The following MRAP variants were observed in gnomAD, a reference collection of about 807,000 sequenced individuals.
The protein encoded by MRAP is melanocortin-2 receptor accessory protein.
Under a neutral mutation model 8.7 loss-of-function variants are expected in MRAP, and 8 were observed. That is an observed-to-expected ratio of 0.92 (90% CI 0.54 to 1.66). The LOEUF is 1.66. Among genes scored for constraint, MRAP ranks in the 40% most tolerant of loss-of-function variants. The pLI is 0.00. For synonymous variants in MRAP, 95 were observed against 95.5 expected (o/e 1.00, Z 0.03); for missense variants, 237 against 217.1 (o/e 1.09, Z -0.58).
intron 1 of MRAP, among the ~76,000 whole-genome samples, chr21:32,300,487 C>A (rs2032238352): frequency 6.6e-6 from 1 of 150,678 alleles, no homozygotes; most frequent in Non-Finnish European, 1.5e-5. Flanking sequence ...CGCCATGCGT[C>A]CTATGTCGGA....
chr21:32,292,560 G>A (rs997746290), intron 1 of MRAP, among the ~76,000 whole-genome samples: 1 of 152,088 alleles, frequency 6.6e-6, no homozygotes, highest in Non-Finnish European at 1.5e-5. Context: ...GGGCTCAAGC[G>A]ATTCTCTTGC....
At chr21:32,294,750 T>A (rs2032110263), upstream of MRAP, among the ~76,000 whole-genome samples, 1 of 152,180 alleles carries the variant, frequency 6.6e-6, no homozygotes, top group South Asian at 2.1e-4. Flanking sequence ...GCTGGGATGA[T>A]GATTGGGATT....
chr21:32,298,826 A>G, upstream of MRAP: 1 of 678,740 alleles, frequency 1.5e-6, no homozygotes, highest in African/African-American at 1.8e-5. Flanking sequence ...TAGCTCTGAT[A>G]AGTGGGCAGA....
At chr21:32,307,071 C>CAA (rs2032437929) in intron 2 of MRAP, among the ~76,000 whole-genome samples, 1 of 152,176 alleles carries the variant, frequency 6.6e-6, no homozygotes, top group South Asian at 2.1e-4. Context: ...ATCCATGCTG[C>CAA]AACATGCATG....
At position 32,311,896 on chromosome 21, in the gene MRAP, C is replaced by T. The variant is rs2032586945; in HGVS notation, c.419C>T (p.Pro140Leu). Residue 140 changes from proline (P) to leucine (L), a missense_variant, in exon 3 of 3, where the codon CCC (proline) becomes CTC (leucine). Transcript: ENST00000303645. The part of the protein sequence containing the change: ...TLPLGGFQTH[P>L]TLLWELTLNG... Reference sequence around the variant, plus strand: ...CCCCTCGGGGGTTTCCAGACCCACCCCACTCTCCTCTGGGAACTGACCCTC... The same window carrying T: ...CCCCTCGGGGGTTTCCAGACCCACCTCACTCTCCTCTGGGAACTGACCCTC... 1.2e-6 allele frequency: 2 copies of T among 1,613,886 alleles called. No homozygotes were observed. The highest frequency in any genetic ancestry group is 1.7e-6 in the Non-Finnish European group (2 of 1,180,056).
At chr21:32,297,281 A>C (rs1402065192), upstream of MRAP, among the ~76,000 whole-genome samples, 1 of 152,178 alleles carries the variant, frequency 6.6e-6, no homozygotes, top group Non-Finnish European at 1.5e-5. Context: ...GTTCACTCCC[A>C]CCCTGGAAAG....
chr21:32,312,398 A>G, downstream of MRAP: 1 of 1,041,558 alleles, frequency 9.6e-7, no homozygotes, highest in African/African-American at 1.7e-5. Flanking sequence ...ATGCTGGGTA[A>G]GTTCCCATCC....
At chr21:32,298,371 G>A (rs2032180435), upstream of MRAP, among the ~76,000 whole-genome samples, 1 of 151,932 alleles carries the variant, frequency 6.6e-6, no homozygotes, top group Non-Finnish European at 1.5e-5. Flanking sequence ...TGGGGCAGGG[G>A]GCTCTCTTTT....
chr21:32,302,944 T>G (rs1161661772), intron 1 of MRAP, among the ~76,000 whole-genome samples: 1 of 151,184 alleles, frequency 6.6e-6, no homozygotes, highest in Non-Finnish European at 1.5e-5. Flanking sequence ...AGGGCTGACC[T>G]TAGAGTTGAC....
At chr21:32,314,519 T>G, downstream of MRAP, 1 of 1,590,334 alleles carries the variant, frequency 6.3e-7, no homozygotes, top group Non-Finnish European at 8.6e-7. Flanking sequence ...TTCGTTTTCA[T>G]AAAAAAAATC....
chr21:32,314,771 C>T, downstream of MRAP: 2 of 1,442,452 alleles, frequency 1.4e-6, no homozygotes. Flanking sequence ...GTCCTCTCAA[C>T]TTTTCTTGTC....
chr21:32,297,908 C>T (rs74632550), upstream of MRAP, among the ~76,000 whole-genome samples: 9,240 of 152,220 alleles, frequency 0.061, 303 homozygotes, highest in Middle Eastern at 0.11. Flanking sequence ...GCAAAACCAG[C>T]GGAGGGGCTC....
intron 2 of MRAP, among the ~76,000 whole-genome samples, chr21:32,307,909 G>A (rs1280798798): frequency 6.6e-6 from 1 of 152,114 alleles, no homozygotes; most frequent in Non-Finnish European, 1.5e-5. Context: ...TTAGATTATG[G>A]TGATGGTTGC....
upstream of MRAP, among the ~76,000 whole-genome samples, chr21:32,297,688 C>T (rs1275705690): frequency 6.6e-6 from 1 of 152,170 alleles, no homozygotes; most frequent in South Asian, 2.1e-4. Flanking sequence ...CGAGTGTCTA[C>T]CAAGAATAGG....
intron 2 of MRAP, chr21:32,311,043 T>C (rs892314034): frequency 6.6e-6 from 1 of 152,444 alleles, no homozygotes; most frequent in Admixed American, 6.5e-5. Context: ...AGAGGTTTAA[T>C]GGACTCACAG....
chr21:32,311,798 G>A lies in MRAP; in HGVS notation c.321G>A (p.Gln107=). 6.2e-7 allele frequency: 1 copy of A among 1,614,116 alleles called. No homozygotes were observed. The highest frequency in any genetic ancestry group is 2.2e-5 in the East Asian group (1 of 44,868). ...HREPLATSQA[Q]ASSVEPGSRT... is the part of the protein sequence containing the mutation. ...AACCCCTGGCAACCTCACAGGCTCAGGCGAGCTCAGTGGAGCCAGGGAGCA... is the reference window on the plus strand; with the variant it reads ...AACCCCTGGCAACCTCACAGGCTCAAGCGAGCTCAGTGGAGCCAGGGAGCA... The change falls in exon 3 of 3, where the codon CAG becomes CAA. Residue 107 remains glutamine, a synonymous_variant. Transcript: ENST00000303645.
At position 32,303,001 on chromosome 21, in the gene MRAP, ATGGAGTCTCACTCTATCACCCAGGC is replaced by A. The variant is rs1359568049; in HGVS notation, c.107-3632_107-3608del. ...TCCCTTTTTTTTTTTTTTTTTTGAG[ATGGAGTCTCACTCTATCACCCAGGC>A]TGGAGTGCAGTGACTCAATCTCGGC... On this transcript the variant is annotated intron_variant, in intron 1 of 2. Coordinates refer to ENST00000303645, the MANE Select transcript of MRAP (RefSeq NM_001379228.1). Among the ~76,000 whole-genome samples the A allele has an allele frequency of 4.8e-4, 46 of 95,538 alleles. 1 individual carries two copies. In the East Asian group the frequency reaches 0.014, roughly 29 times the overall value. 62.7% of individuals were successfully genotyped at this position (95,538 alleles called of 152,430 possible).
At chr21:32,300,509 T>G (rs1019870054) in intron 1 of MRAP, among the ~76,000 whole-genome samples, 2 of 148,248 alleles carry the variant, frequency 1.3e-5, no homozygotes, top group Non-Finnish European at 3.0e-5. Context: ...GTGTCACGCA[T>G]CCTATGTCAC....
intron 2 of MRAP, among the ~76,000 whole-genome samples, chr21:32,309,132 C>T (rs190348150): frequency 1.3e-5 from 2 of 152,254 alleles, no homozygotes; most frequent in Admixed American, 6.5e-5. Flanking sequence ...GGAAGCATGG[C>T]ACCGACATCT....
Sources: gnomAD v4.1 joint callset for allele counts (sites outside exome capture counted in the v4.1 genomes callset) on GRCh38, gnomAD v4.1.1 for gene constraint, MANE v1.5 for transcripts, NCBI Gene and HGNC (gene_info 2026-07-23, HGNC 2026-07-21) for gene names.